Variants in RARB observed in about 807,000 individuals in gnomAD.
RARB encodes the protein HBV-activated protein.
Under a neutral mutation model 51.9 loss-of-function variants are expected in RARB, and 17 were observed. The observed-to-expected ratio is 0.33, with a 90% CI of 0.22 to 0.49. RARB has a LOEUF of 0.49. RARB is among the 20% of genes least tolerant of loss of function. The pLI is 0.99. For missense variants in RARB, 369 were observed against 550.8 expected, an observed-to-expected ratio of 0.67 and a Z score of 3.30; for synonymous variants, 215 against 195.4, an observed-to-expected ratio of 1.10 and a Z score of -0.84.
At chr3:25,395,608 T>G (rs2125490452) in intron 5 of RARB, among the ~76,000 whole-genome samples, 1 of 152,318 alleles carries the variant, frequency 6.6e-6, no homozygotes, top group African/African-American at 2.4e-5. Flanking sequence ...TAAATTCTTT[T>G]TTTTGTCTTT....
intron 2 of RARB, among the ~76,000 whole-genome samples, chr3:24,945,586 A>G (rs1204505873): frequency 6.6e-6 from 1 of 152,238 alleles, no homozygotes; most frequent in Non-Finnish European, 1.5e-5. Context: ...TCCCTGTAGT[A>G]CTGAAGAAAG....
chr3:25,158,120 A>G (rs1575186908), intron 4 of RARB, among the ~76,000 whole-genome samples: 1 of 152,204 alleles, frequency 6.6e-6, no homozygotes, highest in Admixed American at 6.5e-5. Flanking sequence ...GCAAAGAAAC[A>G]TTACTGCTCA....
chr3:25,279,188 GT>G (rs1186642031), intron 5 of RARB, among the ~76,000 whole-genome samples: 1 of 152,156 alleles, frequency 6.6e-6, no homozygotes, highest in Non-Finnish European at 1.5e-5. Flanking sequence ...TACTTGTCTT[GT>G]CCAGGGACAT....
intron 2 of RARB, among the ~76,000 whole-genome samples, chr3:24,860,828 C>G (rs748963336): frequency 6.6e-6 from 1 of 152,074 alleles, no homozygotes; most frequent in South Asian, 2.1e-4. Context: ...GAGTCACTTT[C>G]TAAAAAGAGG....
At chr3:24,851,883 T>G (rs548586820) in intron 1 of RARB, among the ~76,000 whole-genome samples, 1 of 152,352 alleles carries the variant, frequency 6.6e-6, no homozygotes, top group African/African-American at 2.4e-5. Context: ...TCTATAATCA[T>G]CAGAAAGAAC....
In RARB at chr3:24,878,511, A is replaced by G. The variant is rs972834632; in HGVS notation, c.-380+19759A>G. 2.0e-5 allele frequency among the ~76,000 whole-genome samples: 3 copies of G among 152,186 alleles called. No individual in the cohort carries two copies. In the South Asian group the frequency reaches 6.2e-4, roughly 32 times the overall value. ...CTGAAAAGGTAGATGGGGCATATCA[A>G]TGGTGAGAGTTACTCTAAAGCAGGA... On this transcript the variant is annotated intron_variant, in intron 2 of 11. Coordinates refer to the RARB transcript ENST00000383772.
At chr3:24,837,447 G>A (rs1207635212) in intron 1 of RARB, among the ~76,000 whole-genome samples, 1 of 152,150 alleles carries the variant, frequency 6.6e-6, no homozygotes, top group Non-Finnish European at 1.5e-5. Context: ...TGTATTAAAT[G>A]TTTCACTGTT....
intron 4 of RARB, among the ~76,000 whole-genome samples, chr3:25,140,145 T>C (rs891123038): frequency 6.6e-6 from 1 of 152,122 alleles, no homozygotes; most frequent in Non-Finnish European, 1.5e-5. Flanking sequence ...AGCCCATGAA[T>C]CAAGAAGTAA....
intron 1 of RARB, among the ~76,000 whole-genome samples, chr3:25,459,871 A>T (rs1695087882): frequency 6.6e-6 from 1 of 152,112 alleles, no homozygotes; most frequent in Admixed American, 6.5e-5. Context: ...ACCACTTTTA[A>T]TTCTCCTTCC....
chr3:24,863,931 C>T (rs1288354206), intron 2 of RARB, among the ~76,000 whole-genome samples: 4 of 152,092 alleles, frequency 2.6e-5, no homozygotes, highest in Non-Finnish European at 1.5e-5. Flanking sequence ...TCAAGGCCCG[C>T]CCCTCCCTGA....
intron 2 of RARB, among the ~76,000 whole-genome samples, chr3:25,494,088 C>T (rs893422550): frequency 5.9e-5 from 9 of 152,112 alleles, no homozygotes; most frequent in Admixed American, 2.0e-4. Context: ...AGATGCATGA[C>T]GAAGTCAATG....
chr3:25,205,709 C>T (rs1415812261), intron 5 of RARB, among the ~76,000 whole-genome samples: 1 of 151,940 alleles, frequency 6.6e-6, no homozygotes, highest in Admixed American at 6.6e-5. Context: ...CTATTATGTA[C>T]CCATAAAAAT....
chr3:24,917,041 C>T (rs2125383934), intron 2 of RARB, among the ~76,000 whole-genome samples: 2 of 152,272 alleles, frequency 1.3e-5, no homozygotes, highest in South Asian at 4.1e-4. Context: ...GTGAATACTG[C>T]AAATGTTAAA....
chr3:25,383,038 C>A (rs1260279566), intron 5 of RARB, among the ~76,000 whole-genome samples: 3 of 152,122 alleles, frequency 2.0e-5, no homozygotes, highest in Non-Finnish European at 2.9e-5. Flanking sequence ...AACAATAGCA[C>A]CTAAGAGCAA....
At chr3:25,074,252 A>C (rs1330689599) in intron 3 of RARB, among the ~76,000 whole-genome samples, 1 of 152,236 alleles carries the variant, frequency 6.6e-6, no homozygotes, top group East Asian at 1.9e-4. Context: ...CTTTGTCCAC[A>C]ACTATTTACC....
chr3:24,901,731 A>T (rs1189458764), intron 2 of RARB, among the ~76,000 whole-genome samples: 1 of 152,060 alleles, frequency 6.6e-6, no homozygotes, highest in East Asian at 1.9e-4. Context: ...TGCCCAGCTC[A>T]CCTTAGTTCA....
intron 5 of RARB, among the ~76,000 whole-genome samples, chr3:25,380,254 G>A (rs563291467): frequency 4.3e-4 from 65 of 152,114 alleles, no homozygotes; most frequent in Non-Finnish European, 5.7e-4. Flanking sequence ...CATGCAGGAC[G>A]CCAGCCCTCA....
At chr3:25,488,048 ACTG>A (rs1575451356) in intron 2 of RARB, among the ~76,000 whole-genome samples, 5 of 152,288 alleles carry the variant, frequency 3.3e-5, no homozygotes, top group East Asian at 1.9e-4. Context: ...TGCTATAACT[ACTG>A]TTGACAGTAT....
chr3:24,917,815 C>G (rs1695137420), intron 2 of RARB, among the ~76,000 whole-genome samples: 1 of 152,240 alleles, frequency 6.6e-6, no homozygotes, highest in South Asian at 2.1e-4. Flanking sequence ...GCGTGAGCCA[C>G]AGTGCCCAGC....
Sources: gnomAD v4.1 joint callset for allele counts (sites outside exome capture counted in the v4.1 genomes callset) on GRCh38, gnomAD v4.1.1 for gene constraint, MANE v1.5 for transcripts, NCBI Gene and HGNC (gene_info 2026-07-23, HGNC 2026-07-21) for gene names.